Variants in TMPRSS3 observed in about 807,000 individuals in gnomAD.
The protein encoded by TMPRSS3 is transmembrane protease serine 3.
Under a neutral mutation model 59.6 loss-of-function variants are expected in TMPRSS3, and 55 were observed. That is an observed-to-expected ratio of 0.92 (90% confidence interval 0.74 to 1.16). The LOEUF (loss-of-function observed/expected upper bound fraction) is 1.16. Ranked by LOEUF, TMPRSS3 falls within the 50% of genes most tolerant of loss-of-function variation. The pLI, the probability that TMPRSS3 is intolerant of heterozygous loss-of-function variation, is 0.00. For synonymous variants in TMPRSS3, 257 were observed against 237.7 expected (o/e 1.08, Z -0.75); for missense variants, 596 against 579.4 (o/e 1.03, Z -0.29).
intron 12 of TMPRSS3, among the ~76,000 whole-genome samples, chr21:42,373,520 A>C (rs918953401): frequency 6.6e-6 from 1 of 152,190 alleles, no homozygotes; most frequent in African/African-American, 2.4e-5. Flanking sequence ...GTGTGCCCTG[A>C]AGCCCCCATG....
At chr21:42,374,303 C>T (rs752367185) in intron 12 of TMPRSS3, among the ~76,000 whole-genome samples, 1 of 152,240 alleles carries the variant, frequency 6.6e-6, no homozygotes. Flanking sequence ...CCTCACCACG[C>T]CCCGAGGGGG....
chr21:42,395,576 C>A (rs1235664197), intron 1 of TMPRSS3, 108 bp from the exon 2 acceptor site: 3 of 710,034 alleles, frequency 4.2e-6, no homozygotes, highest in South Asian at 1.5e-5. Context: ...CCACACAAAG[C>A]GCATTCAGTA....
At chr21:42,385,323 A>T in intron 6 of TMPRSS3, 86 bp downstream of exon 6, 1 of 1,577,480 alleles carries the variant, frequency 6.3e-7, no homozygotes, top group Non-Finnish European at 8.7e-7. Context: ...CATGCCTCTT[A>T]AGTCCTTGTG....
intron 8 of TMPRSS3, 112 bp downstream of exon 8, chr21:42,382,920 AG>A: frequency 7.9e-7 from 1 of 1,271,300 alleles, no homozygotes; most frequent in South Asian, 1.3e-5. Flanking sequence ...CATTACTTGG[AG>A]GTTAGTCTCT....
rs534944982 is a variant in TMPRSS3 at position 42,377,389 on chromosome 21, T to G, written c.1049-706A>C. Among the ~76,000 whole-genome samples, 73 of 152,296 alleles carry G rather than the reference T, an allele frequency of 4.8e-4. 1 individual carries two copies. The highest frequency in any genetic ancestry group is 8.5e-4 in the Admixed American group (13 of 15,308). Reference sequence around the variant, plus strand: ...CCAAGGAGGGGCACGAGCCAAGCAGTGTGGGCAGAGTGCAGACGCTGGGAA... The same window carrying G: ...CCAAGGAGGGGCACGAGCCAAGCAGGGTGGGCAGAGTGCAGACGCTGGGAA... On this transcript the variant is annotated intron_variant, in intron 10 of 12. Coordinates refer to ENST00000644384, the MANE Select transcript of TMPRSS3 (RefSeq NM_001256317.3).
chr21:42,391,819 G>A (rs2052738357), intron 2 of TMPRSS3, among the ~76,000 whole-genome samples: 1 of 152,182 alleles, frequency 6.6e-6, no homozygotes, highest in Admixed American at 6.5e-5. Flanking sequence ...TGCAAGTAGG[G>A]TGACATCTCA....
chr21:42,376,439 G>A, intron 11 of TMPRSS3, 102 bp downstream of exon 11: 2 of 1,537,354 alleles, frequency 1.3e-6, no homozygotes, highest in Non-Finnish European at 1.8e-6. Flanking sequence ...TCCACGCCCT[G>A]TAAATTTACT....
chr21:42,379,993 A>ACTCC, intron 10 of TMPRSS3, 124 bp downstream of exon 10: 1 of 786,446 alleles, frequency 1.3e-6, no homozygotes, highest in East Asian at 2.7e-5. Flanking sequence ...GCTGACATGC[A>ACTCC]CTCCCTGGCC....
In TMPRSS3 at chr21:42,388,325, A is replaced by G. The variant is rs1480444438; in HGVS notation, c.446+78T>C. 1.2e-6 allele frequency: 2 copies of G among 1,603,330 alleles called. No individual in the cohort carries two copies. Among genetic ancestry groups the G allele is most frequent in the East Asian group, 2.2e-5 (1 of 44,828 alleles). ...AGCGTTAAAGCACCCAATAGTGCCC[A>G]ACTAAATGGTAGTTGTCTTTCTTTA... On this transcript the variant is annotated intron_variant, in intron 5 of 12. Transcript: ENST00000644384. This position sits in a 1 kb window ranked among gnomAD's most constrained non-coding sequence, Gnocchi z 5.1.
In TMPRSS3 at chr21:42,384,020, C is replaced by A; in HGVS notation, c.573-7G>T. 1 of 1,613,652 alleles carries A rather than the reference C, an allele frequency of 6.2e-7. No individual in the cohort carries two copies. Among genetic ancestry groups the A allele is most frequent in the South Asian group, 1.1e-5 (1 of 91,014 alleles). ...GCCAGAGGCACATCCCTCCCTAAAG[C>A]GGAGAAAAAGTAGGCTCTGTGAAAA... On this transcript the variant is annotated splice_polypyrimidine_tract_variant and splice_region_variant and intron_variant, in intron 6 of 12. Coordinates refer to ENST00000644384, the MANE Select transcript of TMPRSS3 (RefSeq NM_001256317.3).
At chr21:42,379,230 G>A (rs889570279) in intron 10 of TMPRSS3, among the ~76,000 whole-genome samples, 2 of 151,072 alleles carry the variant, frequency 1.3e-5, no homozygotes, top group Non-Finnish European at 2.9e-5. Flanking sequence ...GTCTTGCCAT[G>A]TTGCCCAGGC....
intron 5 of TMPRSS3, among the ~76,000 whole-genome samples, chr21:42,387,994 C>T (rs771543481): frequency 5.9e-5 from 9 of 152,198 alleles, no homozygotes; most frequent in Non-Finnish European, 1.0e-4. Context: ...CTGTGGGGTT[C>T]TTGGGGAAGC....
rs1342928849 is a variant in TMPRSS3, at chr21:42,388,508, T to C, written c.341A>G (p.Asn114Ser). The change falls in exon 5 of 13, where the codon AAT becomes AGT. Residue 114 changes from asparagine (N) to serine (S), a missense_variant. Asn to Ser is a conservative substitution (Grantham distance 46). Coordinates refer to ENST00000644384, the MANE Select transcript of TMPRSS3 (RefSeq NM_001256317.3). This position sits in a 1 kb window ranked among gnomAD's most constrained non-coding sequence, Gnocchi z 5.1. ...EYRCVRVGGQ[N>S]AVLQVFTAAS... Reference sequence around the variant, plus strand: ...AGCTGTGAACACCTGGAGCACGGCATTCTGACCACCCACCCGGACTGGCCG... The same window carrying C: ...AGCTGTGAACACCTGGAGCACGGCACTCTGACCACCCACCCGGACTGGCCG... 6 of 1,614,096 alleles carry C rather than the reference T, an allele frequency of 3.7e-6. No homozygotes were observed. Among genetic ancestry groups the C allele is most frequent in the Non-Finnish European group, 4.2e-6 (5 of 1,180,052 alleles).
chr21:42,392,617 GT>G (rs2146457134), intron 2 of TMPRSS3, among the ~76,000 whole-genome samples: 1 of 152,308 alleles, frequency 6.6e-6, no homozygotes, highest in South Asian at 2.1e-4. Context: ...CTGAGACCAA[GT>G]CCTTCCAGGA....
chr21:42,371,976 TA>T lies in TMPRSS3; in HGVS notation c.*785del. 1 of 454,620 alleles carries T rather than the reference TA, an allele frequency of 2.2e-6. No homozygotes were observed. The highest frequency in any genetic ancestry group is 4.4e-6 in the Non-Finnish European group (1 of 226,778). 28.2% of individuals were successfully genotyped at this position (454,620 alleles called of 1,614,324 possible). ...ACAAAGAAATCATGAAAATAGGCCT[TA>T]AACGAGTCATTCCTAGATTAACCTC... On this transcript the variant is annotated 3_prime_UTR_variant, in exon 13 of 13. Transcript: ENST00000644384.
intron 10 of TMPRSS3, among the ~76,000 whole-genome samples, chr21:42,379,138 G>A (rs985386316): frequency 7.2e-5 from 11 of 151,884 alleles, no homozygotes; most frequent in African/African-American, 1.7e-4. Context: ...CACTTGCCTC[G>A]GCCTCCCAAA....
chr21:42,389,104 C>T, intron 3 of TMPRSS3, 59 bp from the exon 4 acceptor site: 1 of 1,608,682 alleles, frequency 6.2e-7, no homozygotes, highest in Middle Eastern at 1.7e-4. Flanking sequence ...GCAACACTAA[C>T]AACTGTCCCC....
chr21:42,382,822 A>T, intron 8 of TMPRSS3: 1 of 643,448 alleles, frequency 1.6e-6, no homozygotes, highest in East Asian at 2.8e-5. Context: ...TAGGAGCTAC[A>T]ATCCTTAAAA....
chr21:42,376,764 G>C, intron 10 of TMPRSS3, 81 bp from the exon 11 acceptor site: 1 of 1,603,530 alleles, frequency 6.2e-7, no homozygotes, highest in South Asian at 1.1e-5. Flanking sequence ...AGACCAGGGG[G>C]GTGAGGGAAC....
Sources: gnomAD v4.1 joint callset for allele counts (sites outside exome capture counted in the v4.1 genomes callset) on GRCh38, gnomAD v4.1.1 for gene constraint, Gnocchi (gnomAD v3.1) non-coding constraint, MANE v1.5 for transcripts, NCBI Gene and HGNC (gene_info 2026-07-23, HGNC 2026-07-21) for gene names.